The following EBF2 variants were observed in gnomAD, a reference collection of about 807,000 sequenced individuals.
EBF2 encodes transcription factor COE2.
In EBF2, 21 loss-of-function variants were observed where a neutral mutation model predicts 72.8. The observed-to-expected ratio is 0.29, with a 90% CI of 0.20 to 0.42. The LOEUF (loss-of-function observed/expected upper bound fraction) is 0.42, where lower values mean the gene tolerates loss of function less well. Among genes scored for constraint, EBF2 ranks in the 10% least tolerant of loss-of-function variants. The pLI is 1.00. For synonymous variants in EBF2, 299 were observed against 274.2 expected, an observed-to-expected ratio of 1.09 and a Z score of -0.89; for missense variants, 637 against 731.2, an observed-to-expected ratio of 0.87 and a Z score of 1.49.
intron 6 of EBF2, among the ~76,000 whole-genome samples, chr8:25,978,399 T>C (rs1180380326): frequency 6.6e-6 from 1 of 152,156 alleles, no homozygotes; most frequent in Non-Finnish European, 1.5e-5. Context: ...CTGTTTCCCA[T>C]CAAGATGGCT....
chr8:25,870,335 C>T (rs1040443852), intron 10 of EBF2, among the ~76,000 whole-genome samples: 5 of 151,944 alleles, frequency 3.3e-5, no homozygotes, highest in African/African-American at 1.2e-4. Context: ...TATGGGTACA[C>T]TCACAACGTG....
intron 6 of EBF2, among the ~76,000 whole-genome samples, chr8:25,981,178 T>G (rs1804355853): frequency 6.6e-6 from 1 of 152,082 alleles, no homozygotes; most frequent in Non-Finnish European, 1.5e-5. Flanking sequence ...CGCAGTGAGG[T>G]CTCAATGCTC....
chr8:25,872,751 A>C (rs1186591694), intron 10 of EBF2, among the ~76,000 whole-genome samples: 1 of 152,238 alleles, frequency 6.6e-6, no homozygotes, highest in East Asian at 1.9e-4. Flanking sequence ...CCATATAAAC[A>C]CAAGACCAGA....
At chr8:26,042,366 T>C in intron 1 of EBF2, 115 bp from the exon 2 acceptor site, 1 of 1,291,120 alleles carries the variant, frequency 7.7e-7, no homozygotes, top group Non-Finnish European at 1.0e-6. Context: ...AGGTCCAGAG[T>C]TCTGAACCCT....
intron 7 of EBF2, among the ~76,000 whole-genome samples, chr8:25,904,179 G>A (rs1428836614): frequency 7.2e-6 from 1 of 138,328 alleles, no homozygotes; most frequent in South Asian, 2.4e-4. Flanking sequence ...TTTAAACGTA[G>A]TATTTCAATG....
chr8:25,864,299 C>T lies in EBF2; in HGVS notation c.1010-1502G>A, dbSNP rs1332441560. On this transcript the variant is annotated intron_variant, in intron 10 of 15. Transcript: ENST00000520164. ...CACCAGTGAGGTTGAAGAATTTTTT[C>T]TTATATTTGCTGATGTTAATTTCTT... Among the ~76,000 whole-genome samples the T allele has an allele frequency of 3.3e-5, 5 of 152,096 alleles. No homozygotes were observed. The East Asian group carries it at 9.6e-4, about 29-fold the overall frequency.
At chr8:25,954,122 A>G (rs1803905344) in intron 6 of EBF2, among the ~76,000 whole-genome samples, 1 of 152,224 alleles carries the variant, frequency 6.6e-6, no homozygotes, top group African/African-American at 2.4e-5. Context: ...AATTATAAGA[A>G]CATATGTTAG....
intron 6 of EBF2, among the ~76,000 whole-genome samples, chr8:25,982,786 A>G (rs1158589163): frequency 6.6e-6 from 1 of 152,166 alleles, no homozygotes; most frequent in Non-Finnish European, 1.5e-5. Flanking sequence ...TTCACACTAT[A>G]GAACCCACCA....
chr8:25,898,463 A>C (rs925098942), intron 7 of EBF2, among the ~76,000 whole-genome samples: 8 of 151,528 alleles, frequency 5.3e-5, no homozygotes, highest in Middle Eastern at 3.4e-3. Context: ...AAAAAAAAAA[A>C]CCAGCTTTTC....
intron 6 of EBF2, among the ~76,000 whole-genome samples, chr8:25,950,702 T>C (rs999205610): frequency 1.3e-5 from 2 of 152,240 alleles, no homozygotes; most frequent in African/African-American, 4.8e-5. Context: ...AGGTTTCCCC[T>C]AGTTGTTCTG....
At chr8:25,881,575 A>G (rs2117284220) in intron 10 of EBF2, among the ~76,000 whole-genome samples, 1 of 152,320 alleles carries the variant, frequency 6.6e-6, no homozygotes, top group East Asian at 1.9e-4. Context: ...GTACCTTTAA[A>G]TGATATGGAA....
At position 25,933,259 on chromosome 8, in the gene EBF2, T is replaced by G. The variant is rs191868877; in HGVS notation, c.552-24704A>C. On this transcript the variant is annotated intron_variant, in intron 6 of 15. Transcript: ENST00000520164. The stretch of plus-strand genomic sequence containing the variant: ...AGGAAAGTAGGACATTGCTGGACTC[T>G]GAACCATCTATCAGCGCTGAGCTGT... Among the ~76,000 whole-genome samples, 418 of 152,374 alleles carry G rather than the reference T, an allele frequency of 2.7e-3. 1 individual carries two copies. Among genetic ancestry groups the G allele is most frequent in the Non-Finnish European group, 4.3e-3 (290 of 68,036 alleles).
At chr8:25,930,318 T>A (rs1354246484) in intron 6 of EBF2, among the ~76,000 whole-genome samples, 1 of 152,194 alleles carries the variant, frequency 6.6e-6, no homozygotes, top group Non-Finnish European at 1.5e-5. Flanking sequence ...TTCTGGAAGA[T>A]CTGAAGTAGA....
At chr8:25,943,955 G>C (rs906330976) in intron 6 of EBF2, among the ~76,000 whole-genome samples, 1 of 152,150 alleles carries the variant, frequency 6.6e-6, no homozygotes, top group African/African-American at 2.4e-5. Flanking sequence ...AGAAAACCTA[G>C]GTGAGAACAG....
Position 26,044,734 on chromosome 8 carries a change from C to A in EBF2, c.126G>T (p.Ala42=). The change falls in exon 1 of 16, where the codon GCG becomes GCT. Residue 42 remains alanine (A), a synonymous_variant. Transcript: ENST00000520164. The surrounding 1 kb of genome is among the most constrained non-coding windows in gnomAD (Gnocchi z 4.1). ...TTGCGCGGCCGTGTCGTTACCTCTG[C>A]GCGGCGACATTAGCGTCCACCACTC... is the stretch of plus-strand genomic sequence containing the variant. ...NVGVVDANVA[A]QSGVALSRAH... The A allele has an allele frequency of 1.2e-6, 2 of 1,613,984 alleles. No homozygotes were observed. Among genetic ancestry groups the A allele is most frequent in the East Asian group, 2.2e-5 (1 of 44,864 alleles).
chr8:25,982,554 A>G (rs1233063396), intron 6 of EBF2, among the ~76,000 whole-genome samples: 2 of 151,336 alleles, frequency 1.3e-5, no homozygotes, highest in Non-Finnish European at 2.9e-5. Context: ...TGGGCAGGAC[A>G]CTGAAAGAAA....
intron 10 of EBF2, among the ~76,000 whole-genome samples, chr8:25,868,534 T>G (rs890190823): frequency 6.6e-6 from 1 of 152,166 alleles, no homozygotes; most frequent in African/African-American, 2.4e-5. Context: ...CAGGCTGGAG[T>G]GCAGTGCACG....
chr8:25,981,439 G>A lies in EBF2; in HGVS notation c.551+51646C>T, dbSNP rs145542056. Among the ~76,000 whole-genome samples the A allele has an allele frequency of 2.1e-4, 32 of 151,944 alleles. No homozygotes were observed. The East Asian group carries it at 3.2e-3, about 15-fold the overall frequency. On this transcript the variant is annotated intron_variant, in intron 6 of 15. Transcript: ENST00000520164. ...CTGGGTTCCAAAATGAAATGGATAG[G>A]GCAATGGAAGTGGGAAGGAAAAGCA...
intron 6 of EBF2, among the ~76,000 whole-genome samples, chr8:25,980,211 G>A (rs1200697622): frequency 1.3e-5 from 2 of 152,060 alleles, no homozygotes. Flanking sequence ...AACCTTATTT[G>A]TTGCTCTGTT....
Sources: gnomAD v4.1 joint callset for allele counts (sites outside exome capture counted in the v4.1 genomes callset) on GRCh38, gnomAD v4.1.1 for gene constraint, Gnocchi (gnomAD v3.1) non-coding constraint, MANE v1.5 for transcripts, NCBI Gene and HGNC (gene_info 2026-07-23, HGNC 2026-07-21) for gene names.